The following TMEFF2 variants were observed in gnomAD, a reference collection of about 807,000 sequenced individuals.
TMEFF2 encodes the protein transmembrane protein with EGF like and two follistatin like domains 2.
A neutral mutation model predicts 53.8 loss-of-function variants in TMEFF2; 28 were observed. The ratio of observed to expected loss-of-function variants is 0.52; its 90% confidence interval spans 0.39 to 0.71. The LOEUF is 0.71. TMEFF2 is among the 30% of genes least tolerant of loss of function. The pLI, the probability that TMEFF2 is intolerant of heterozygous loss-of-function variation, is 0.00. For synonymous variants in TMEFF2, 162 were observed against 166.3 expected (o/e 0.97, Z 0.20); for missense variants, 353 against 455.2 (o/e 0.78, Z 2.04).
At chr2:192,060,190 G>C (rs540695631) in intron 4 of TMEFF2, among the ~76,000 whole-genome samples, 3 of 152,210 alleles carry the variant, frequency 2.0e-5, no homozygotes, top group African/African-American at 7.2e-5. Flanking sequence ...GACTTCATCT[G>C]TCCAGAGCAT....
At chr2:192,114,653 ATAAGT>A (rs776218116) in intron 4 of TMEFF2, among the ~76,000 whole-genome samples, 32 of 152,108 alleles carry the variant, frequency 2.1e-4, no homozygotes, top group Non-Finnish European at 3.1e-4. Context: ...CTAATGATGA[ATAAGT>A]TAAGAAAACA....
At chr2:192,162,486 CA>C (rs757461433) in intron 4 of TMEFF2, among the ~76,000 whole-genome samples, 2 of 152,174 alleles carry the variant, frequency 1.3e-5, no homozygotes, top group South Asian at 2.1e-4. Context: ...AACTTTTCAA[CA>C]GGGGGAAATA....
chr2:192,149,148 G>T (rs184941400), intron 4 of TMEFF2, among the ~76,000 whole-genome samples: 1 of 151,924 alleles, frequency 6.6e-6, no homozygotes, highest in South Asian at 2.1e-4. Flanking sequence ...GATAGGTTTT[G>T]TTGGATTGGG....
At chr2:192,009,955 T>C (rs1686587045) in intron 5 of TMEFF2, among the ~76,000 whole-genome samples, 1 of 152,216 alleles carries the variant, frequency 6.6e-6, no homozygotes, top group African/African-American at 2.4e-5. Flanking sequence ...TCAACCTTGG[T>C]AAATAGTTTT....
intron 7 of TMEFF2, among the ~76,000 whole-genome samples, chr2:191,963,053 G>T (rs898079019): frequency 6.6e-6 from 1 of 152,080 alleles, no homozygotes; most frequent in African/African-American, 2.4e-5. Flanking sequence ...TAAGTATCAG[G>T]CCTTGGGAAG....
chr2:192,134,907 T>C (rs909179417), intron 4 of TMEFF2, among the ~76,000 whole-genome samples: 3 of 152,240 alleles, frequency 2.0e-5, no homozygotes, highest in Non-Finnish European at 4.4e-5. Context: ...TAATGGTCTA[T>C]TAAAAACACA....
chr2:191,951,883 A>C (rs1691896058), intron 9 of TMEFF2, among the ~76,000 whole-genome samples: 1 of 152,230 alleles, frequency 6.6e-6, no homozygotes, highest in Admixed American at 6.5e-5. Flanking sequence ...TTTTATTATA[A>C]CATGGAAAAT....
intron 4 of TMEFF2, among the ~76,000 whole-genome samples, chr2:192,109,572 A>C (rs958550520): frequency 6.6e-6 from 1 of 152,148 alleles, no homozygotes; most frequent in African/African-American, 2.4e-5. Context: ...AGATAAGATA[A>C]AAATAAGTAG....
At chr2:192,006,860 C>T (rs539930476) in intron 5 of TMEFF2, among the ~76,000 whole-genome samples, 8 of 152,226 alleles carry the variant, frequency 5.3e-5, no homozygotes, top group South Asian at 2.1e-4. Flanking sequence ...AAAAATGCTA[C>T]GGGTGATTCT....
At position 191,949,848 on chromosome 2, in the gene TMEFF2, C is replaced by A. The variant is rs1008042282; in HGVS notation, c.*463G>T. 4.1e-6 allele frequency: 4 copies of A among 985,802 alleles called. No homozygotes were observed. In the African/African-American group the frequency reaches 5.2e-5, roughly 13 times the overall value. The allele number at this position is 985,802 out of a possible 1,614,324, so 61.1% of individuals were successfully genotyped here. Reference sequence around the variant, plus strand: ...AATTATTTTTTCTCTTTTCCAATAACCATCATTTCCCTTGATCTTGGAATC... The same window carrying A: ...AATTATTTTTTCTCTTTTCCAATAAACATCATTTCCCTTGATCTTGGAATC... On this transcript the variant is annotated 3_prime_UTR_variant, in exon 10 of 10. Coordinates refer to ENST00000272771, the MANE Select transcript of TMEFF2 (RefSeq NM_016192.4).
intron 8 of TMEFF2, 98 bp from the exon 9 acceptor site, chr2:191,953,935 G>T: frequency 9.4e-7 from 1 of 1,064,928 alleles, no homozygotes; most frequent in Non-Finnish European, 1.3e-6. Flanking sequence ...TGTCGCCCAG[G>T]CTGGAGTGCA....
intron 4 of TMEFF2, among the ~76,000 whole-genome samples, chr2:192,079,743 T>TG: frequency 6.6e-6 from 1 of 152,348 alleles, no homozygotes; most frequent in Middle Eastern, 3.4e-3. Context: ...ATTTGCTTAC[T>TG]GGCTTTTTAA....
chr2:191,969,611 G>T (rs535179166), intron 7 of TMEFF2, among the ~76,000 whole-genome samples: 54 of 152,280 alleles, frequency 3.5e-4, no homozygotes, highest in Admixed American at 1.2e-3. Context: ...AGCAAATGTT[G>T]ATGGGTTTGT....
chr2:192,074,426 C>G (rs1249902833), intron 4 of TMEFF2, among the ~76,000 whole-genome samples: 1 of 151,676 alleles, frequency 6.6e-6, no homozygotes, highest in Non-Finnish European at 1.5e-5. Context: ...ATAAAATATT[C>G]TATAAATATT....
intron 4 of TMEFF2, among the ~76,000 whole-genome samples, chr2:192,112,744 T>C (rs1302591946): frequency 6.6e-6 from 1 of 152,154 alleles, no homozygotes; most frequent in Non-Finnish European, 1.5e-5. Context: ...TCTCATGTGT[T>C]ATTGGAGGAA....
At chr2:192,111,140 C>CT in intron 4 of TMEFF2, among the ~76,000 whole-genome samples, 1 of 152,118 alleles carries the variant, frequency 6.6e-6, no homozygotes, top group African/African-American at 2.4e-5. Context: ...TAGGGTGCTG[C>CT]TGTAAAGATA....
intron 5 of TMEFF2, 119 bp downstream of exon 5, chr2:192,057,560 G>T: frequency 2.2e-6 from 2 of 925,540 alleles, no homozygotes; most frequent in Admixed American, 2.1e-5. Flanking sequence ...TTTCACTTGG[G>T]AACTGAATAA....
intron 4 of TMEFF2, among the ~76,000 whole-genome samples, chr2:192,085,931 G>A (rs890644389): frequency 2.6e-5 from 4 of 152,066 alleles, no homozygotes; most frequent in Non-Finnish European, 4.4e-5. Flanking sequence ...TCCCAAAAGC[G>A]AAGAAGAGCA....
At chr2:192,169,027 C>T (rs538151627) in intron 4 of TMEFF2, among the ~76,000 whole-genome samples, 2 of 152,066 alleles carry the variant, frequency 1.3e-5, no homozygotes, top group South Asian at 4.1e-4. Context: ...ATTAAGCACA[C>T]TTTTTGTTGT....
Sources: allele counts gnomAD v4.1 joint callset (sites outside exome capture counted in the v4.1 genomes callset), GRCh38; gene constraint gnomAD v4.1.1; transcripts MANE v1.5; gene names NCBI Gene and HGNC (gene_info 2026-07-23, HGNC 2026-07-21).